GPHN: variants seen among roughly 807,000 people sequenced by gnomAD.
GPHN encodes gephyrin.
GPHN carries 17 observed loss-of-function variants against 95.5 expected under a neutral mutation model. That is an observed-to-expected ratio of 0.18 (90% CI 0.12 to 0.27). The LOEUF is 0.27. Ranked by LOEUF, GPHN falls within the 10% of genes least tolerant of loss-of-function variation. GPHN has a pLI of 1.00. For missense variants in GPHN, 660 were observed against 978.1 expected (o/e 0.67, Z 4.34); for synonymous variants, 320 against 322.5 (o/e 0.99, Z 0.08).
chr14:67,095,607 C>T (rs1315839925), intron 12 of GPHN, among the ~76,000 whole-genome samples: 12 of 149,262 alleles, frequency 8.0e-5, no homozygotes, highest in South Asian at 6.3e-4. Context: ...CCATAAAAAA[C>T]GATGAGTTCA....
the GPHN span, among the ~76,000 whole-genome samples, chr14:67,367,112 G>T: frequency 2.0e-5 from 3 of 152,294 alleles, no homozygotes; most frequent in Non-Finnish European, 2.9e-5. Flanking sequence ...GAAACACAGG[G>T]TGGACTCCAG....
the GPHN span, among the ~76,000 whole-genome samples, chr14:67,566,011 C>G: frequency 5.3e-5 from 8 of 152,082 alleles, no homozygotes; most frequent in African/African-American, 1.9e-4. Context: ...TCTGGCTGCT[C>G]GGGAGCCTGA....
the GPHN span, among the ~76,000 whole-genome samples, chr14:67,405,602 T>C: frequency 6.6e-6 from 1 of 152,200 alleles, no homozygotes; most frequent in Non-Finnish European, 1.5e-5. Context: ...TTGGTCTGTA[T>C]GGCAATATGG....
chr14:66,559,200 T>C (rs1036974514), intron 1 of GPHN, among the ~76,000 whole-genome samples: 41 of 152,212 alleles, frequency 2.7e-4, no homozygotes, highest in African/African-American at 8.2e-4. Flanking sequence ...AATAAACATA[T>C]GTGTGCATGT....
At chr14:66,727,184 G>A (rs74460849) in intron 2 of GPHN, among the ~76,000 whole-genome samples, 4 of 152,170 alleles carry the variant, frequency 2.6e-5, no homozygotes, top group African/African-American at 9.7e-5. Context: ...TTAGTAAGAC[G>A]TGACTTGCTC....
chr14:67,570,371 T>C, the GPHN span: 5 of 838,114 alleles, frequency 6.0e-6, no homozygotes, highest in Non-Finnish European at 5.8e-6. Context: ...GTAACGTCAC[T>C]ACATTTTAAA....
At chr14:67,546,362 A>G in the GPHN span, among the ~76,000 whole-genome samples, 1 of 152,128 alleles carries the variant, frequency 6.6e-6, no homozygotes, top group African/African-American at 2.4e-5. Flanking sequence ...ACAAAGTGAC[A>G]AGTGACAGGC....
At chr14:66,516,384 C>T (rs961713215) in intron 1 of GPHN, among the ~76,000 whole-genome samples, 3 of 152,090 alleles carry the variant, frequency 2.0e-5, no homozygotes, top group Non-Finnish European at 2.9e-5. Flanking sequence ...GTTTCCATAA[C>T]GTATATGCTT....
chr14:66,830,370 C>T (rs922338543), intron 4 of GPHN, among the ~76,000 whole-genome samples: 5 of 151,954 alleles, frequency 3.3e-5, no homozygotes, highest in Non-Finnish European at 5.9e-5. Flanking sequence ...AATAAAATAT[C>T]CCTTATTCTA....
the GPHN span, among the ~76,000 whole-genome samples, chr14:67,277,941 G>A: frequency 6.6e-6 from 1 of 151,936 alleles, no homozygotes; most frequent in Non-Finnish European, 1.5e-5. Context: ...TGATCTTTTT[G>A]CTGTACAGTA....
intron 10 of GPHN, among the ~76,000 whole-genome samples, chr14:67,030,417 CTTA>C (rs2074139280): frequency 6.6e-6 from 1 of 152,034 alleles, no homozygotes; most frequent in Non-Finnish European, 1.5e-5. Context: ...TAAATGGCTC[CTTA>C]TTATTCTTGT....
chr14:67,624,300 G>A, the GPHN span, among the ~76,000 whole-genome samples: 1 of 152,182 alleles, frequency 6.6e-6, no homozygotes, highest in African/African-American at 2.4e-5. Flanking sequence ...ATACTGTATA[G>A]TGACACCATT....
At chr14:66,628,325 T>C (rs1006098986) in intron 1 of GPHN, among the ~76,000 whole-genome samples, 1 of 152,160 alleles carries the variant, frequency 6.6e-6, no homozygotes, top group Non-Finnish European at 1.5e-5. Flanking sequence ...CTAGGTGGTA[T>C]AGCCTACTAC....
intron 4 of GPHN, among the ~76,000 whole-genome samples, chr14:66,857,552 A>T (rs913547058): frequency 1.3e-5 from 2 of 152,226 alleles, no homozygotes; most frequent in Non-Finnish European, 2.9e-5. Context: ...ATTGTTTATT[A>T]AGCAAAATAT....
chr14:67,320,209 C>T, the GPHN span: 1 of 1,598,000 alleles, frequency 6.3e-7, no homozygotes, highest in Non-Finnish European at 8.5e-7. Context: ...GTTTGAAGAG[C>T]TTAACTTTTT....
At chr14:66,906,607 A>G (rs376029215) in intron 5 of GPHN, among the ~76,000 whole-genome samples, 26 of 152,172 alleles carry the variant, frequency 1.7e-4, no homozygotes, top group African/African-American at 6.0e-4. Context: ...GGATATTTCT[A>G]GTGATATTCT....
intron 2 of GPHN, chr14:66,760,454 G>A (rs982941276): frequency 1.1e-5 from 2 of 175,876 alleles, no homozygotes; most frequent in African/African-American, 4.8e-5. Context: ...TAATCTATAA[G>A]TTTTTAATGA....
intron 1 of GPHN, among the ~76,000 whole-genome samples, chr14:66,650,305 A>G (rs1323057111): frequency 6.6e-6 from 1 of 152,194 alleles, no homozygotes; most frequent in Non-Finnish European, 1.5e-5. Flanking sequence ...TTTTCAAAAG[A>G]AAAGAACATG....
chr14:67,068,092 A>C (rs2153655277), intron 11 of GPHN, among the ~76,000 whole-genome samples: 1 of 152,184 alleles, frequency 6.6e-6, no homozygotes, highest in Middle Eastern at 3.4e-3. Context: ...CTTGGAACAG[A>C]GTCCCAGTGA....
Sources: gnomAD v4.1 joint callset for allele counts (sites outside exome capture counted in the v4.1 genomes callset) on GRCh38, gnomAD v4.1.1 for gene constraint, MANE v1.5 for transcripts, NCBI Gene and HGNC (gene_info 2026-07-23, HGNC 2026-07-21) for gene names.